The following UIMC1 variants were observed in gnomAD, a reference collection of about 807,000 sequenced individuals.
UIMC1 encodes ubiquitin interaction motif containing 1, also known as BRCA1-A complex subunit RAP80.
Under a neutral mutation model 84.9 loss-of-function variants are expected in UIMC1, and 42 were observed. The observed-to-expected ratio is 0.49, with a 90% confidence interval of 0.39 to 0.64. UIMC1 has a LOEUF of 0.64. Among genes scored for constraint, UIMC1 ranks in the 30% least tolerant of loss-of-function variants. The pLI is 0.00. For synonymous variants in UIMC1, 281 were observed against 293.0 expected (o/e 0.96, Z 0.42); for missense variants, 825 against 847.6 (o/e 0.97, Z 0.33).
upstream of UIMC1, among the ~76,000 whole-genome samples, chr5:177,007,810 AAAAG>A (rs1561939336): frequency 6.6e-6 from 1 of 152,142 alleles, no homozygotes. Flanking sequence ...ATTTCTATTA[AAAAG>A]AAAGACCTGG....
intron 1 of UIMC1, among the ~76,000 whole-genome samples, chr5:176,983,286 T>C (rs189882824): frequency 0.011 from 1,608 of 151,772 alleles, 10 homozygotes; most frequent in South Asian, 0.025. Flanking sequence ...CCTCTGTTGC[T>C]GATACTGCCA....
rs139957531 is a variant in UIMC1, at chr5:176,912,173, G to C, written c.1598-784C>G. On this transcript the variant is annotated intron_variant, in intron 10 of 14. Transcript: ENST00000511320. ...ACTTAGGTTGTGAAGCATTTATCTAGTCCAGGGGTCAGCAAACTTTATCTG... is the reference window on the plus strand; with the variant it reads ...ACTTAGGTTGTGAAGCATTTATCTACTCCAGGGGTCAGCAAACTTTATCTG... Among the ~76,000 whole-genome samples the C allele has an allele frequency of 1.7e-4, 26 of 152,308 alleles. 1 individual carries two copies. The East Asian group carries it at 4.6e-3, about 27-fold the overall frequency.
intron 9 of UIMC1, among the ~76,000 whole-genome samples, chr5:176,947,116 G>C (rs918959437): frequency 3.3e-5 from 5 of 152,190 alleles, no homozygotes; most frequent in Admixed American, 1.3e-4. Flanking sequence ...AGAGGGAGTA[G>C]TCACTTGTCT....
intron 10 of UIMC1, among the ~76,000 whole-genome samples, chr5:176,912,476 T>TG (rs1451501109): frequency 3.1e-5 from 1 of 31,950 alleles, no homozygotes; most frequent in Non-Finnish European, 5.5e-5. Context: ...TGTTTTTTGT[T>TG]TTTTTTTTTT....
At chr5:176,905,801 C>A in intron 14 of UIMC1, 1 of 640,748 alleles carries the variant, frequency 1.6e-6, no homozygotes, top group Admixed American at 3.0e-5. Context: ...ATAACTTTCA[C>A]TCTGTTTGTT....
intron 10 of UIMC1, among the ~76,000 whole-genome samples, chr5:176,934,807 A>G (rs1483788705): frequency 1.3e-5 from 2 of 151,798 alleles, no homozygotes; most frequent in African/African-American, 2.4e-5. Context: ...GGTCTGAGGG[A>G]AAAAAAAATT....
chr5:176,980,985 CCTGT>C (rs922589075), intron 2 of UIMC1, among the ~76,000 whole-genome samples: 247 of 152,222 alleles, frequency 1.6e-3, no homozygotes, highest in African/African-American at 5.7e-3. Context: ...AAGCAATCCT[CCTGT>C]CTAAGCTTCC....
At chr5:176,945,958 ATACTTCTACATAGAAATGTACTG>A (rs1440291325) in intron 9 of UIMC1, among the ~76,000 whole-genome samples, 2 of 152,174 alleles carry the variant, frequency 1.3e-5, no homozygotes, top group African/African-American at 4.8e-5. Flanking sequence ...TCTGTATACT[ATACTTCTACATAGAAATGTACTG>A]TACTTCTACA....
intron 1 of UIMC1, among the ~76,000 whole-genome samples, chr5:176,988,491 A>AT (rs1772351356): frequency 6.6e-6 from 1 of 152,150 alleles, no homozygotes; most frequent in South Asian, 2.1e-4. Context: ...CAGAAAGCAG[A>AT]TTAGTGATTA....
chr5:176,946,967 C>A (rs576883334), intron 9 of UIMC1, among the ~76,000 whole-genome samples: 1 of 152,258 alleles, frequency 6.6e-6, no homozygotes, highest in South Asian at 2.1e-4. Context: ...AGTTACTTGG[C>A]CTTCTAAAGT....
intron 1 of UIMC1, among the ~76,000 whole-genome samples, chr5:176,985,282 CCT>C (rs1315413366): frequency 6.6e-6 from 1 of 151,702 alleles, no homozygotes; most frequent in Non-Finnish European, 1.5e-5. Context: ...ATGGTGAAAC[CCT>C]GTCTCTACTA....
intron 1 of UIMC1, among the ~76,000 whole-genome samples, chr5:177,016,728 A>C (rs1775680410): frequency 6.7e-6 from 1 of 149,394 alleles, no homozygotes; most frequent in Non-Finnish European, 1.5e-5. Context: ...TCAAAAAAGA[A>C]AATTATCCAG....
At chr5:176,916,010 G>A (rs939996408) in intron 10 of UIMC1, among the ~76,000 whole-genome samples, 12 of 152,172 alleles carry the variant, frequency 7.9e-5, no homozygotes, top group South Asian at 2.1e-4. Context: ...AGGACTATAC[G>A]GTAATTCTAT....
intron 1 of UIMC1, among the ~76,000 whole-genome samples, chr5:176,985,652 TAGGGTGCAG>T (rs1233625194): frequency 6.6e-6 from 1 of 152,146 alleles, no homozygotes; most frequent in Non-Finnish European, 1.5e-5. Flanking sequence ...TCACCCAGGC[TAGGGTGCAG>T]TGGCATGATC....
intron 3 of UIMC1, among the ~76,000 whole-genome samples, chr5:176,971,367 G>A (rs895540772): frequency 2.0e-5 from 3 of 152,154 alleles, no homozygotes; most frequent in South Asian, 2.1e-4. Flanking sequence ...AAAAGGAACC[G>A]GGGTACACTG....
intron 6 of UIMC1, among the ~76,000 whole-genome samples, chr5:176,966,897 G>A (rs1768386834): frequency 6.6e-6 from 1 of 152,124 alleles, no homozygotes; most frequent in African/African-American, 2.4e-5. Context: ...CTAACAGACA[G>A]AAAAGGAAAT....
intron 10 of UIMC1, among the ~76,000 whole-genome samples, chr5:176,918,389 T>C (rs949285465): frequency 3.3e-5 from 5 of 152,234 alleles, no homozygotes; most frequent in African/African-American, 1.2e-4. Flanking sequence ...CTTTCTCCAG[T>C]GGGGTTCCAA....
At chr5:176,985,337 T>C (rs2149512192) in intron 1 of UIMC1, among the ~76,000 whole-genome samples, 1 of 151,666 alleles carries the variant, frequency 6.6e-6, no homozygotes, top group Middle Eastern at 3.4e-3. Flanking sequence ...ATGCCTGTAA[T>C]CCCTGCTACT....
At chr5:176,998,782 CA>C (rs1482355494) in intron 1 of UIMC1, among the ~76,000 whole-genome samples, 1 of 151,964 alleles carries the variant, frequency 6.6e-6, no homozygotes, top group African/African-American at 2.4e-5. Flanking sequence ...AAAACAAAAA[CA>C]AAACAAAACA....
Sources: allele counts gnomAD v4.1 joint callset (sites outside exome capture counted in the v4.1 genomes callset), GRCh38; gene constraint gnomAD v4.1.1; transcripts MANE v1.5; gene names NCBI Gene and HGNC (gene_info 2026-07-23, HGNC 2026-07-21).